The following UPF2 variants were observed in gnomAD, a reference collection of about 807,000 sequenced individuals.
The protein encoded by UPF2 is UPF2 regulator of nonsense mediated mRNA decay.
Under a neutral mutation model 141.4 loss-of-function variants are expected in UPF2, and 17 were observed. The ratio of observed to expected loss-of-function variants is 0.12; its 90% CI spans 0.08 to 0.18. The LOEUF (loss-of-function observed/expected upper bound fraction) is 0.18. Among genes scored for constraint, UPF2 ranks in the 10% least tolerant of loss-of-function variants. UPF2 has a pLI of 1.00. For synonymous variants in UPF2, 540 were observed against 498.0 expected, an observed-to-expected ratio of 1.08 and a Z score of -1.12; for missense variants, 1,152 against 1,515.9, an observed-to-expected ratio of 0.76 and a Z score of 3.99.
At position 12,019,264 on chromosome 10, in the gene UPF2, G is replaced by A. The variant is rs151116687; in HGVS notation, c.1146-5080C>T. ...ACTCTGCTAACATAACACAAAAGCTGCCACAGACAATATGTAAACAAATGA... is the reference window on the plus strand; with the variant it reads ...ACTCTGCTAACATAACACAAAAGCTACCACAGACAATATGTAAACAAATGA... On this transcript the variant is annotated intron_variant, in intron 3 of 21. Transcript: ENST00000357604. The surrounding 1 kb of genome is among the most constrained non-coding windows in gnomAD (Gnocchi z 4.5). 3.7e-4 allele frequency among the ~76,000 whole-genome samples: 57 copies of A among 152,322 alleles called. No individual in the cohort carries two copies. The highest frequency in any genetic ancestry group is 1.3e-3 in the African/African-American group (56 of 41,572).
At chr10:12,037,392 TTTTG>T (rs1201872226) in intron 1 of UPF2, among the ~76,000 whole-genome samples, 1 of 148,000 alleles carries the variant, frequency 6.8e-6, no homozygotes, top group African/African-American at 2.5e-5. Flanking sequence ...GCTTTAGTGT[TTTTG>T]TTTTTCTTTT....
chr10:11,938,907 C>G (rs1020600363), intron 18 of UPF2, among the ~76,000 whole-genome samples: 2 of 127,944 alleles, frequency 1.6e-5, no homozygotes, highest in Non-Finnish European at 3.1e-5. Context: ...ACTCTGTCCC[C>G]CCCATGCAGA....
intron 8 of UPF2, among the ~76,000 whole-genome samples, chr10:11,987,524 T>G (rs1418552373): frequency 6.6e-6 from 1 of 151,884 alleles, no homozygotes; most frequent in Admixed American, 6.6e-5. Flanking sequence ...TTGGGAGGCC[T>G]AGGCGGGTGG....
chr10:11,974,635 G>T (rs560578277), intron 9 of UPF2, among the ~76,000 whole-genome samples: 1 of 152,180 alleles, frequency 6.6e-6, no homozygotes, highest in South Asian at 2.1e-4. Context: ...ATTGAGATAA[G>T]CGTGTGGTTT....
At chr10:12,035,555 A>C in intron 1 of UPF2, 114 bp from the exon 2 acceptor site, 1 of 1,158,122 alleles carries the variant, frequency 8.6e-7, no homozygotes, top group South Asian at 2.1e-5. Context: ...AAAAGAGTAA[A>C]TAAAGGCAGG....
chr10:11,963,462 G>A (rs1833271767), intron 11 of UPF2, among the ~76,000 whole-genome samples: 1 of 152,084 alleles, frequency 6.6e-6, no homozygotes, highest in Admixed American at 6.5e-5. Flanking sequence ...TCAGCCTTCT[G>A]AGTAGTTGGG....
chr10:11,959,921 AC>A lies in UPF2; in HGVS notation c.2185-566del, dbSNP rs1229378992. On this transcript the variant is annotated intron_variant, in intron 11 of 21. Transcript: ENST00000357604. This position sits in a 1 kb window ranked among gnomAD's most constrained non-coding sequence, Gnocchi z 5.9. ...AGCCTTACGTTTCATCCAATAAAAT[AC>A]TAGAGAACTTTACTACCAAGGTAAC... Among the ~76,000 whole-genome samples the A allele has an allele frequency of 3.3e-5, 5 of 152,228 alleles. No homozygotes were observed. The highest frequency in any genetic ancestry group is 5.9e-5 in the Non-Finnish European group (4 of 68,050).
chr10:11,977,397 T>C (rs1339107557), intron 9 of UPF2, among the ~76,000 whole-genome samples: 1 of 152,192 alleles, frequency 6.6e-6, no homozygotes, highest in Non-Finnish European at 1.5e-5. Context: ...TCCCAAAGTA[T>C]GCTCCTGGAG....
chr10:11,978,168 T>C (rs1264530715), intron 9 of UPF2, among the ~76,000 whole-genome samples: 2 of 152,236 alleles, frequency 1.3e-5, no homozygotes, highest in Non-Finnish European at 1.5e-5. Context: ...GACCTCAGAA[T>C]TGTGTCTGTT....
chr10:11,942,764 C>G lies in UPF2; in HGVS notation c.3280-1G>C. ...GTCCACCGCCTTTAATCATTACCTC[C>G]TTATTAAAACAAAACAACAAAATCA... On this transcript the variant is annotated splice_acceptor_variant, in intron 17 of 21. Coordinates refer to ENST00000357604, the MANE Select transcript of UPF2 (RefSeq NM_015542.4). LOFTEE classifies it high-confidence loss of function. The G allele has an allele frequency of 6.2e-7, 1 of 1,612,246 alleles. No individual in the cohort carries two copies. The highest frequency in any genetic ancestry group is 8.5e-7 in the Non-Finnish European group (1 of 1,179,170).
At chr10:11,971,314 G>A (rs1833413825) in intron 9 of UPF2, among the ~76,000 whole-genome samples, 1 of 151,072 alleles carries the variant, frequency 6.6e-6, no homozygotes, top group Admixed American at 6.6e-5. Context: ...GAGTGCAACG[G>A]CGCAATCTCG....
At chr10:11,943,990 T>TA (rs1037296270) in intron 16 of UPF2, among the ~76,000 whole-genome samples, 12 of 112,504 alleles carry the variant, frequency 1.1e-4, no homozygotes, top group Non-Finnish European at 2.0e-4. Context: ...TCCTTAAGAG[T>TA]AAAAAAAACA....
In UPF2 at chr10:11,979,254, C is replaced by T; in HGVS notation, c.1845-89G>A. 2.2e-6 allele frequency: 2 copies of T among 901,986 alleles called. No individual in the cohort carries two copies. The highest frequency in any genetic ancestry group is 1.7e-6 in the Non-Finnish European group (1 of 593,234). 55.9% of individuals were successfully genotyped at this position (901,986 alleles called of 1,614,324 possible). Reference sequence around the variant, plus strand: ...TTTAAACTTTTCAGATGTATTCACACATTAAATGATCTTAAAACTCATAAT... The same window carrying T: ...TTTAAACTTTTCAGATGTATTCACATATTAAATGATCTTAAAACTCATAAT... On this transcript the variant is annotated intron_variant, in intron 8 of 21. Transcript: ENST00000357604. The surrounding 1 kb of genome is among the most constrained non-coding windows in gnomAD (Gnocchi z 6.2).
At chr10:11,961,944 T>C (rs988325183) in intron 11 of UPF2, among the ~76,000 whole-genome samples, 1 of 152,172 alleles carries the variant, frequency 6.6e-6, no homozygotes, top group Admixed American at 6.5e-5. Context: ...GCTAAGCCCC[T>C]ATACTGACGC....
At chr10:11,946,128 A>G (rs558278543) in intron 16 of UPF2, among the ~76,000 whole-genome samples, 7 of 152,332 alleles carry the variant, frequency 4.6e-5, no homozygotes, top group Admixed American at 4.6e-4. Context: ...TCCACTGCCT[A>G]TAAATACTAG....
intron 3 of UPF2, among the ~76,000 whole-genome samples, chr10:12,027,836 T>G (rs939733276): frequency 6.6e-6 from 1 of 152,200 alleles, no homozygotes; most frequent in Non-Finnish European, 1.5e-5. Context: ...ACCACAGACT[T>G]ATGAAACTAG....
chr10:12,038,746 C>A (rs1004234403), intron 1 of UPF2, among the ~76,000 whole-genome samples: 10 of 151,752 alleles, frequency 6.6e-5, no homozygotes, highest in East Asian at 1.9e-4. Flanking sequence ...CAAAAAAAAA[C>A]AACAACAACA....
At chr10:11,938,869 T>TTTTTTTTTTTTTTG (rs1832898030) in intron 18 of UPF2, among the ~76,000 whole-genome samples, 1 of 104,748 alleles carries the variant, frequency 9.5e-6, no homozygotes, top group Non-Finnish European at 2.0e-5. Flanking sequence ...TTTTTTTTTT[T>TTTTTTTTTTTTTTG]TTTTTTTTTT....
intron 4 of UPF2, among the ~76,000 whole-genome samples, chr10:12,008,746 T>C (rs958847986): frequency 1.3e-5 from 2 of 151,844 alleles, no homozygotes; most frequent in East Asian, 1.9e-4. Flanking sequence ...TACATAGGTA[T>C]ACATGTTCCA....
Sources: allele counts gnomAD v4.1 joint callset (sites outside exome capture counted in the v4.1 genomes callset), GRCh38; gene constraint gnomAD v4.1.1; non-coding constraint Gnocchi (gnomAD v3.1); transcripts MANE v1.5; gene names NCBI Gene and HGNC (gene_info 2026-07-23, HGNC 2026-07-21).